Variants in KCNIP4 observed in about 807,000 individuals in gnomAD.
The protein encoded by KCNIP4 is Kv channel-interacting protein 4.
Under a neutral mutation model 34.0 loss-of-function variants are expected in KCNIP4, and 12 were observed. That is an observed-to-expected ratio of 0.35 (90% CI 0.23 to 0.57). The LOEUF (loss-of-function observed/expected upper bound fraction) is 0.57, where lower values mean the gene tolerates loss of function less well. KCNIP4 is among the 20% of genes least tolerant of loss of function. KCNIP4 has a pLI of 0.83. For synonymous variants in KCNIP4, 124 were observed against 102.2 expected (o/e 1.21, Z -1.29); for missense variants, 238 against 311.7 (o/e 0.76, Z 1.78).
intron 6 of KCNIP4, among the ~76,000 whole-genome samples, chr4:20,734,347 T>TTCTA (rs1439577779): frequency 6.6e-6 from 1 of 152,156 alleles, no homozygotes; most frequent in African/African-American, 2.4e-5. Flanking sequence ...TACATTTTCT[T>TTCTA]TCTATCTGAT....
At chr4:20,810,475 GAGAGAC>G (rs918078863) in intron 3 of KCNIP4, among the ~76,000 whole-genome samples, 1 of 151,844 alleles carries the variant, frequency 6.6e-6, no homozygotes, top group African/African-American at 2.4e-5. Flanking sequence ...GAGAGAGAGA[GAGAGAC>G]AGAGAGAGAC....
rs147651083 is a variant in KCNIP4 at position 21,936,462 on chromosome 4, C to G, written c.61+12109G>C. 2.6e-5 allele frequency among the ~76,000 whole-genome samples: 4 copies of G among 152,182 alleles called. No individual in the cohort carries two copies. The East Asian group carries it at 7.7e-4, about 29-fold the overall frequency. On this transcript the variant is annotated intron_variant, in intron 1 of 8. Coordinates refer to ENST00000382152, the MANE Select transcript of KCNIP4 (RefSeq NM_025221.6). Reference sequence around the variant, plus strand: ...CTTTCCTTTATAAATTACCCAGTCTCAGACATGTCTTTATTAGCAGCGTGA... The same window carrying G: ...CTTTCCTTTATAAATTACCCAGTCTGAGACATGTCTTTATTAGCAGCGTGA...
At chr4:21,066,257 T>C (rs1744372003) in intron 1 of KCNIP4, among the ~76,000 whole-genome samples, 1 of 152,140 alleles carries the variant, frequency 6.6e-6, no homozygotes, top group African/African-American at 2.4e-5. Context: ...TCAGTTTCAG[T>C]ATTCCTTTTA....
chr4:21,556,737 A>T (rs1739045687), intron 1 of KCNIP4, among the ~76,000 whole-genome samples: 1 of 151,878 alleles, frequency 6.6e-6, no homozygotes, highest in Non-Finnish European at 1.5e-5. Flanking sequence ...CCTGGCCAAC[A>T]TGGTGAAACC....
chr4:21,476,884 CT>C (rs1731025719), intron 1 of KCNIP4, among the ~76,000 whole-genome samples: 1 of 152,022 alleles, frequency 6.6e-6, no homozygotes, highest in African/African-American at 2.4e-5. Flanking sequence ...GGTTTTCTTC[CT>C]TTTCTCCTTG....
At chr4:21,766,264 A>C (rs1471499614) in intron 1 of KCNIP4, among the ~76,000 whole-genome samples, 2 of 152,188 alleles carry the variant, frequency 1.3e-5, no homozygotes, top group Non-Finnish European at 2.9e-5. Context: ...GTAGCACTGC[A>C]CTTGGCGTAT....
At chr4:21,017,376 G>T (rs899277384) in intron 1 of KCNIP4, among the ~76,000 whole-genome samples, 2 of 152,044 alleles carry the variant, frequency 1.3e-5, no homozygotes, top group African/African-American at 4.8e-5. Context: ...AGTGTGTGTT[G>T]TTCTCCTCAA....
At chr4:21,581,775 T>A (rs1370959296) in intron 1 of KCNIP4, among the ~76,000 whole-genome samples, 1 of 151,944 alleles carries the variant, frequency 6.6e-6, no homozygotes, top group African/African-American at 2.4e-5. Context: ...TTCAGTCAGT[T>A]CATACTAAAC....
Position 21,545,815 on chromosome 4 carries a change from G to A in KCNIP4, c.61+402756C>T, listed in dbSNP as rs371169936. 7.2e-5 allele frequency among the ~76,000 whole-genome samples: 11 copies of A among 152,128 alleles called. 1 individual carries two copies. In the East Asian group the frequency reaches 1.9e-3, roughly 27 times the overall value. ...ACATTTGGGTTGGTTCCAAGTCTTTGCTATTGTGAATAGTGCTGCAATAAA... is the reference window on the plus strand; with the variant it reads ...ACATTTGGGTTGGTTCCAAGTCTTTACTATTGTGAATAGTGCTGCAATAAA... On this transcript the variant is annotated intron_variant, in intron 1 of 8. Transcript: ENST00000382152.
intron 1 of KCNIP4, among the ~76,000 whole-genome samples, chr4:21,585,845 A>C (rs1475361043): frequency 2.0e-5 from 3 of 152,062 alleles, no homozygotes; most frequent in African/African-American, 7.2e-5. Flanking sequence ...TAATTAAGAA[A>C]TATGTATGAT....
chr4:20,834,215 A>G (rs1718768726), intron 3 of KCNIP4, among the ~76,000 whole-genome samples: 1 of 152,220 alleles, frequency 6.6e-6, no homozygotes, highest in African/African-American at 2.4e-5. Context: ...ACCCAGATGT[A>G]GTCACAGAAG....
chr4:21,520,907 C>T (rs546427555), intron 1 of KCNIP4, among the ~76,000 whole-genome samples: 6 of 152,158 alleles, frequency 3.9e-5, no homozygotes, highest in Admixed American at 2.0e-4. Context: ...ATAAAGATAC[C>T]GGAGCATTCT....
intron 1 of KCNIP4, among the ~76,000 whole-genome samples, chr4:21,470,810 G>C (rs1305238963): frequency 7.3e-6 from 1 of 136,178 alleles, no homozygotes; most frequent in African/African-American, 2.8e-5. Context: ...AGGGCCAGCT[G>C]TTGATAATTT....
intron 1 of KCNIP4, among the ~76,000 whole-genome samples, chr4:21,242,880 CTG>C (rs56347755): frequency 0.29 from 43,183 of 148,932 alleles, 7,055 homozygotes; most frequent in East Asian, 0.45. Context: ...GTGTGTGTAT[CTG>C]TGTGTGTGTG....
At chr4:21,171,280 A>G (rs533077169) in intron 1 of KCNIP4, among the ~76,000 whole-genome samples, 1 of 152,288 alleles carries the variant, frequency 6.6e-6, no homozygotes, top group African/African-American at 2.4e-5. Context: ...CTTCCCTAAA[A>G]CAACTGTTGA....
At chr4:21,117,716 T>C (rs1749814208) in intron 1 of KCNIP4, among the ~76,000 whole-genome samples, 1 of 152,108 alleles carries the variant, frequency 6.6e-6, no homozygotes, top group Non-Finnish European at 1.5e-5. Flanking sequence ...AATGGGCCCC[T>C]AGGTCCATTT....
At chr4:21,431,192 A>C (rs983251577) in intron 1 of KCNIP4, among the ~76,000 whole-genome samples, 1 of 152,098 alleles carries the variant, frequency 6.6e-6, no homozygotes, top group African/African-American at 2.4e-5. Context: ...AAAAGTAAGG[A>C]ATATAGAACT....
In KCNIP4 at chr4:21,948,590, C is replaced by T; in HGVS notation, c.42G>A (p.Glu14=). Residue 14 remains glutamate (E), a synonymous_variant, in exon 1 of 9, where the codon GAG becomes GAA. Transcript: ENST00000382152. Reference sequence around the variant, plus strand: ...TCCTACCGCCTGTAGAGCTGGCCTCCTCCAGCTGAGCCGAAATGCTTTCCA... The same window carrying T: ...TCCTACCGCCTGTAGAGCTGGCCTCTTCCAGCTGAGCCGAAATGCTTTCCA... ...RRVESISAQL[E]EASSTGGFLY... 6.2e-7 allele frequency: 1 copy of T among 1,613,722 alleles called. No individual in the cohort carries two copies. Among genetic ancestry groups the T allele is most frequent in the Non-Finnish European group, 8.5e-7 (1 of 1,179,840 alleles).
intron 1 of KCNIP4, among the ~76,000 whole-genome samples, chr4:21,432,135 T>TATATAA (rs1726538976): frequency 9.0e-6 from 1 of 111,336 alleles, no homozygotes; most frequent in African/African-American, 3.3e-5. Context: ...TATATATATA[T>TATATAA]ATACAATCTC....
Sources: gnomAD v4.1 joint callset for allele counts (sites outside exome capture counted in the v4.1 genomes callset) on GRCh38, gnomAD v4.1.1 for gene constraint, MANE v1.5 for transcripts, NCBI Gene and HGNC (gene_info 2026-07-23, HGNC 2026-07-21) for gene names.